The following WDR64 variants were observed in gnomAD, a reference collection of about 807,000 sequenced individuals.
WDR64 encodes the protein WD repeat domain 64.
A neutral mutation model predicts 139.3 loss-of-function variants in WDR64; 112 were observed. The ratio of observed to expected loss-of-function variants is 0.80; its 90% CI spans 0.69 to 0.94. The LOEUF is 0.94. WDR64 is among the 40% of genes least tolerant of loss of function. The pLI is 0.00. For missense variants in WDR64, 1,206 were observed against 1,293.1 expected (o/e 0.93, Z 1.03); for synonymous variants, 444 against 437.7 (o/e 1.01, Z -0.18).
chr1:241,669,687 G>C (rs1260031599), intron 2 of WDR64, among the ~76,000 whole-genome samples: 1 of 152,164 alleles, frequency 6.6e-6, no homozygotes, highest in Non-Finnish European at 1.5e-5. Context: ...TGTACATGAA[G>C]AAGTAGTAAC....
Position 241,725,375 on chromosome 1 carries a change from AAG to A in WDR64, c.1194+1941_1194+1942del, listed in dbSNP as rs1304742157. On this transcript the variant is annotated intron_variant, in intron 10 of 27. Coordinates refer to ENST00000437684, the MANE Select transcript of WDR64 (RefSeq NM_001367482.1). ...GAAATGAAAGAGGGAAGGGAAGGGA[AAG>A]AAAAAAACCCGGTTGCTTTCCCTCC... Among the ~76,000 whole-genome samples the A allele has an allele frequency of 5.9e-5, 9 of 151,608 alleles. No homozygotes were observed. In the East Asian group the frequency reaches 1.8e-3, roughly 30 times the overall value.
intron 25 of WDR64, among the ~76,000 whole-genome samples, chr1:241,793,607 C>A (rs1183163386): frequency 6.6e-6 from 1 of 152,086 alleles, no homozygotes; most frequent in African/African-American, 2.4e-5. Flanking sequence ...CCTTTCTGTC[C>A]AAATGGAGCT....
chr1:241,795,332 G>A (rs1423003238), intron 26 of WDR64, 45 bp downstream of exon 26: 5 of 1,532,034 alleles, frequency 3.3e-6, no homozygotes, highest in Admixed American at 1.8e-5. Flanking sequence ...GAACAGTAGA[G>A]AATCTGCCAT....
chr1:241,679,373 T>C, intron 5 of WDR64, 112 bp from the exon 6 acceptor site: 1 of 844,146 alleles, frequency 1.2e-6, no homozygotes, highest in Non-Finnish European at 1.9e-6. Flanking sequence ...GGCTTCTCTG[T>C]AATAAGGCAG....
intron 21 of WDR64, among the ~76,000 whole-genome samples, chr1:241,775,493 G>GA (rs1421319211): frequency 6.6e-6 from 1 of 151,848 alleles, no homozygotes; most frequent in Admixed American, 6.6e-5. Flanking sequence ...TACTTTTTTG[G>GA]AAAAAATATA....
chr1:241,787,856 C>G lies in WDR64; in HGVS notation c.2713C>G (p.His905Asp). ...ASIDGSVRLW[H>D]ALNGHYCGYF... is the part of the protein sequence containing the mutation. ...TCCTTTTCCTTCCCTCAGGCTCTGGCATGCCCTCAATGGACATTATTGTGG... is the reference window on the plus strand; with the variant it reads ...TCCTTTTCCTTCCCTCAGGCTCTGGGATGCCCTCAATGGACATTATTGTGG... Residue 905 changes from histidine (H) to aspartate (D), a missense_variant, in exon 24 of 28, where the codon CAT becomes GAT. Physicochemically the swap from His to Asp is moderately conservative, Grantham distance 81. Transcript: ENST00000437684. The G allele has an allele frequency of 6.3e-7, 1 of 1,579,074 alleles. No individual in the cohort carries two copies. Among genetic ancestry groups the G allele is most frequent in the Non-Finnish European group, 8.6e-7 (1 of 1,168,516 alleles).
Position 241,728,823 on chromosome 1 carries a change from C to CTT in WDR64, c.1194+5397_1194+5398dup, listed in dbSNP as rs66478639. The stretch of plus-strand genomic sequence containing the variant: ...TGACCAAAAGGCTGATTCTCTTCTT[C>CTT]TTTTTTTTTTTCTATGAAGGGGAGA... On this transcript the variant is annotated intron_variant, in intron 10 of 27. Coordinates refer to ENST00000437684, the MANE Select transcript of WDR64 (RefSeq NM_001367482.1). 4.4e-3 allele frequency among the ~76,000 whole-genome samples: 651 copies of CTT among 148,718 alleles called. 6 individuals carry two copies. The highest frequency in any genetic ancestry group is 0.015 in the African/African-American group (624 of 40,556).
intron 4 of WDR64, among the ~76,000 whole-genome samples, chr1:241,677,688 T>A (rs898887682): frequency 1.3e-5 from 2 of 152,220 alleles, no homozygotes; most frequent in Non-Finnish European, 2.9e-5. Flanking sequence ...AGGTGCTTAC[T>A]GAATAAAAGA....
intron 15 of WDR64, among the ~76,000 whole-genome samples, chr1:241,759,257 T>C (rs1474627957): frequency 2.0e-5 from 3 of 152,308 alleles, no homozygotes; most frequent in South Asian, 4.1e-4. Context: ...ATATAGCATG[T>C]GGAATGTACT....
chr1:241,654,175 C>A (rs553706901), intron 1 of WDR64, among the ~76,000 whole-genome samples: 2 of 152,198 alleles, frequency 1.3e-5, no homozygotes, highest in African/African-American at 2.4e-5. Flanking sequence ...CCCTTCAAAG[C>A]TATCAGTTTG....
chr1:241,687,676 C>T (rs1667061567), intron 8 of WDR64, 81 bp downstream of exon 8: 1 of 1,380,154 alleles, frequency 7.2e-7, no homozygotes, highest in Admixed American at 2.4e-5. Flanking sequence ...AGCTTTGAAA[C>T]TTTCAAACTG....
chr1:241,736,510 G>C (rs764499236), intron 10 of WDR64, among the ~76,000 whole-genome samples: 5 of 151,738 alleles, frequency 3.3e-5, no homozygotes, highest in Non-Finnish European at 5.9e-5. Flanking sequence ...TGAATGCACA[G>C]AGACCAGAAT....
intron 15 of WDR64, among the ~76,000 whole-genome samples, chr1:241,759,481 T>C (rs1053527435): frequency 6.6e-6 from 1 of 152,220 alleles, no homozygotes; most frequent in African/African-American, 2.4e-5. Context: ...TCCTGTCCTT[T>C]CCACCTTGTT....
chr1:241,687,785 A>C (rs1667065995), intron 8 of WDR64, among the ~76,000 whole-genome samples, 190 bp downstream of exon 8: 1 of 152,234 alleles, frequency 6.6e-6, no homozygotes, highest in South Asian at 2.1e-4. Flanking sequence ...TTTGAACATG[A>C]CGTGTCCTAA....
intron 16 of WDR64, 121 bp downstream of exon 16, chr1:241,766,472 A>AT: frequency 8.8e-7 from 1 of 1,139,230 alleles, no homozygotes. Context: ...GAACTTTGGG[A>AT]GGAGGATCAC....
chr1:241,778,772 T>A (rs957991714), intron 21 of WDR64, among the ~76,000 whole-genome samples: 2 of 152,196 alleles, frequency 1.3e-5, no homozygotes, highest in African/African-American at 4.8e-5. Context: ...CCACTTTGTA[T>A]CTTATAATAC....
chr1:241,684,607 C>T (rs1666938396), intron 7 of WDR64, among the ~76,000 whole-genome samples: 2 of 152,168 alleles, frequency 1.3e-5, no homozygotes, highest in Non-Finnish European at 2.9e-5. Flanking sequence ...GGCATTCTCA[C>T]ATTAGTTGGT....
At chr1:241,733,003 T>A (rs1319325169) in intron 10 of WDR64, among the ~76,000 whole-genome samples, 1 of 152,314 alleles carries the variant, frequency 6.6e-6, no homozygotes, top group East Asian at 1.9e-4. Context: ...ACTTCATCAT[T>A]ATTTATTAAT....
Position 241,775,015 on chromosome 1 carries a change from T to C in WDR64, c.2431-90T>C, listed in dbSNP as rs142020422. 1,644 of 1,009,456 alleles carry C rather than the reference T, an allele frequency of 1.6e-3. 17 individuals are homozygous for C. The African/African-American group carries it at 0.024, about 15-fold the overall frequency. 62.5% of individuals were successfully genotyped at this position (1,009,456 alleles called of 1,614,324 possible). A position where few individuals can be genotyped will look rare whatever the true frequency, so the allele number is the denominator to read the frequency against. ...TAGTAGAGATAATTCTTGAGATGCA[T>C]TATTTACATAGAAAAATCAATTTCA... On this transcript the variant is annotated intron_variant, in intron 20 of 27. Transcript: ENST00000437684.
Sources: gnomAD v4.1 joint callset for allele counts (sites outside exome capture counted in the v4.1 genomes callset) on GRCh38, gnomAD v4.1.1 for gene constraint, MANE v1.5 for transcripts, NCBI Gene and HGNC (gene_info 2026-07-23, HGNC 2026-07-21) for gene names.